Variants in KIF5C observed in about 807,000 individuals in gnomAD.
KIF5C encodes kinesin family member 5C.
Under a neutral mutation model 125.2 loss-of-function variants are expected in KIF5C, and 18 were observed. The ratio of observed to expected loss-of-function variants is 0.14; its 90% CI spans 0.10 to 0.21. The LOEUF is 0.21. Ranked by LOEUF, KIF5C falls within the 10% of genes least tolerant of loss-of-function variation. The probability of loss-of-function intolerance (pLI) is 1.00; values close to 1 mark genes in which losing one functional copy is unlikely to be tolerated. For missense variants in KIF5C, 780 were observed against 1,183.8 expected, an observed-to-expected ratio of 0.66 and a Z score of 5.01; for synonymous variants, 405 against 434.0, an observed-to-expected ratio of 0.93 and a Z score of 0.83.
chr2:148,898,020 G>C (rs1182229191), intron 1 of KIF5C, among the ~76,000 whole-genome samples: 3 of 151,482 alleles, frequency 2.0e-5, no homozygotes, highest in Non-Finnish European at 4.4e-5. Context: ...GGGTTTGAGG[G>C]AGTGGAGAGG....
chr2:148,974,827 A>C (rs1681018985), intron 12 of KIF5C, among the ~76,000 whole-genome samples: 1 of 152,216 alleles, frequency 6.6e-6, no homozygotes, highest in Non-Finnish European at 1.5e-5. Flanking sequence ...TGAGAGGGTG[A>C]GAAGCTGTTT....
Position 148,973,613 on chromosome 2 carries a change from G to T in KIF5C, c.1293+102G>T, listed in dbSNP as rs978058064. 11 of 1,429,334 alleles carry T rather than the reference G, an allele frequency of 7.7e-6. No homozygotes were observed. The African/African-American group carries it at 1.3e-4, about 17-fold the overall frequency. 88.5% of individuals were successfully genotyped at this position (1,429,334 alleles called of 1,614,324 possible). On this transcript the variant is annotated intron_variant, in intron 12 of 25. Coordinates refer to ENST00000435030, the MANE Select transcript of KIF5C (RefSeq NM_004522.3). ...GATGTAGGGCTACAGCCCGATCTTT[G>T]TTTCTGGTTTCCTAATACCTACCCT...
intron 1 of KIF5C, among the ~76,000 whole-genome samples, chr2:148,919,688 C>A (rs1198874581): frequency 2.0e-5 from 3 of 152,132 alleles, no homozygotes; most frequent in Admixed American, 6.5e-5. Context: ...TACAGCTATG[C>A]CCCAAGTCAG....
intron 1 of KIF5C, among the ~76,000 whole-genome samples, chr2:148,895,661 A>G (rs1448981082): frequency 6.6e-6 from 1 of 152,194 alleles, no homozygotes; most frequent in Non-Finnish European, 1.5e-5. Flanking sequence ...GTTTGCTTGA[A>G]CTGTCAAAAC....
At chr2:148,891,822 G>A (rs1467596650) in intron 1 of KIF5C, among the ~76,000 whole-genome samples, 4 of 151,870 alleles carry the variant, frequency 2.6e-5, no homozygotes, top group African/African-American at 4.8e-5. Flanking sequence ...CTCAGCCTCC[G>A]AAGTAGCTGG....
At chr2:148,971,661 CTA>C (rs1398482909) in intron 11 of KIF5C, among the ~76,000 whole-genome samples, 4 of 152,144 alleles carry the variant, frequency 2.6e-5, no homozygotes, top group African/African-American at 9.7e-5. Flanking sequence ...ATAGTTTATT[CTA>C]TGTTTTGCTT....
At chr2:148,939,439 G>A (rs980754111) in intron 4 of KIF5C, among the ~76,000 whole-genome samples, 1 of 152,122 alleles carries the variant, frequency 6.6e-6, no homozygotes, top group Non-Finnish European at 1.5e-5. Flanking sequence ...TGCTTCTTTA[G>A]GGCTGTTTGC....
chr2:149,010,368 T>G lies in KIF5C; in HGVS notation c.2767+17T>G. On this transcript the variant is annotated intron_variant, in intron 24 of 25. Coordinates refer to ENST00000435030, the MANE Select transcript of KIF5C (RefSeq NM_004522.3). ...CCCAGATCGGTACGTGCGTGCACAG[T>G]GGCGCCCGGGGTTTGAGAAGCTACT... 6.5e-7 allele frequency: 1 copy of G among 1,532,112 alleles called. No homozygotes were observed. The highest frequency in any genetic ancestry group is 1.4e-5 in the African/African-American group (1 of 72,240). 94.9% of individuals were successfully genotyped at this position (1,532,112 alleles called of 1,614,324 possible). A position where few individuals can be genotyped will look rare whatever the true frequency, so the allele number is the denominator to read the frequency against.
intron 25 of KIF5C, among the ~76,000 whole-genome samples, chr2:149,022,780 C>T (rs1187845696): frequency 1.3e-5 from 2 of 152,160 alleles, no homozygotes; most frequent in Non-Finnish European, 2.9e-5. Context: ...AAAAATTAGC[C>T]GGGTGTGGTG....
intron 21 of KIF5C, among the ~76,000 whole-genome samples, chr2:149,001,308 G>C (rs1253703766): frequency 6.6e-6 from 1 of 152,202 alleles, no homozygotes; most frequent in East Asian, 1.9e-4. Context: ...GGGACTCGAA[G>C]AAGGAGAAGA....
At chr2:148,971,508 T>C (rs1035380923) in intron 11 of KIF5C, among the ~76,000 whole-genome samples, 1 of 152,186 alleles carries the variant, frequency 6.6e-6, no homozygotes, top group Non-Finnish European at 1.5e-5. Flanking sequence ...GAATGAAATA[T>C]TGATTTGGTT....
At chr2:148,887,681 CTT>C (rs35338664) in intron 1 of KIF5C, among the ~76,000 whole-genome samples, 3 of 142,960 alleles carry the variant, frequency 2.1e-5, no homozygotes, top group Non-Finnish European at 3.1e-5. Context: ...GTAAAATTTG[CTT>C]TTTTTTTTTT....
chr2:148,875,329 C>G lies in KIF5C; in HGVS notation c.-289C>G, dbSNP rs1257598138. 1 of 307,270 alleles carries G rather than the reference C, an allele frequency of 3.3e-6. No homozygotes were observed. The highest frequency in any genetic ancestry group is 2.2e-5 in the African/African-American group (1 of 44,546). 19.0% of individuals were successfully genotyped at this position (307,270 alleles called of 1,614,324 possible). ...TGCGCATCGCCTCCTCCGCCCGCCG[C>G]GTGGTCGCGGGCAGGTGGGCCGGGG... On this transcript the variant is annotated 5_prime_UTR_variant, in exon 1 of 26. Transcript: ENST00000435030.
chr2:148,967,743 C>A (rs1293317812), intron 11 of KIF5C, among the ~76,000 whole-genome samples: 1 of 152,122 alleles, frequency 6.6e-6, no homozygotes, highest in Non-Finnish European at 1.5e-5. Flanking sequence ...ATTTGTTCAG[C>A]CTGCTTGCTT....
chr2:149,025,461 C>G lies in KIF5C; in HGVS notation c.*2391C>G, dbSNP rs1254674213. Reference sequence around the variant, plus strand: ...TCAGGACCATGTTCTCTGTAGGCCACTTTCTAAAAAAGCCACATATGTGCA... The same window carrying G: ...TCAGGACCATGTTCTCTGTAGGCCAGTTTCTAAAAAAGCCACATATGTGCA... On this transcript the variant is annotated 3_prime_UTR_variant, in exon 26 of 26. Transcript: ENST00000435030. 1 of 152,604 alleles carries G rather than the reference C, an allele frequency of 6.6e-6. No homozygotes were observed. The highest frequency in any genetic ancestry group is 1.5e-5 in the Non-Finnish European group (1 of 68,034). The allele number at this position is 152,604 out of a possible 1,614,324, so 9.5% of individuals were successfully genotyped here. A position where few individuals can be genotyped will look rare whatever the true frequency, so the allele number is the denominator to read the frequency against.
intron 21 of KIF5C, among the ~76,000 whole-genome samples, chr2:149,004,042 C>T (rs1169971324): frequency 2.6e-5 from 4 of 152,158 alleles, no homozygotes; most frequent in African/African-American, 4.8e-5. Flanking sequence ...AGTGCTGCAC[C>T]CCTGCCCCTG....
At chr2:149,022,507 C>T (rs753258095) in intron 25 of KIF5C, among the ~76,000 whole-genome samples, 3 of 152,062 alleles carry the variant, frequency 2.0e-5, no homozygotes, top group South Asian at 4.2e-4. Flanking sequence ...GTAATGTAAA[C>T]GATCTCAACA....
chr2:148,984,898 C>T (rs976492573), intron 15 of KIF5C, among the ~76,000 whole-genome samples: 2 of 152,190 alleles, frequency 1.3e-5, no homozygotes, highest in Non-Finnish European at 2.9e-5. Context: ...TCAACCAATT[C>T]ATGTGCCTCA....
chr2:148,882,315 C>T lies in KIF5C; in HGVS notation c.126+6572C>T, dbSNP rs112767719. On this transcript the variant is annotated intron_variant, in intron 1 of 25. Coordinates refer to ENST00000435030, the MANE Select transcript of KIF5C (RefSeq NM_004522.3). ...AACAACACTCTCCACTGTCTAGGGCCGTTGTGTGCTAAGCCCAGTGGCTAG... is the reference window on the plus strand; with the variant it reads ...AACAACACTCTCCACTGTCTAGGGCTGTTGTGTGCTAAGCCCAGTGGCTAG... 3.2e-3 allele frequency among the ~76,000 whole-genome samples: 492 copies of T among 152,266 alleles called. 3 individuals are homozygous for T. The highest frequency in any genetic ancestry group is 0.011 in the African/African-American group (454 of 41,556).
Sources: gnomAD v4.1 joint callset for allele counts (sites outside exome capture counted in the v4.1 genomes callset) on GRCh38, gnomAD v4.1.1 for gene constraint, MANE v1.5 for transcripts, NCBI Gene and HGNC (gene_info 2026-07-23, HGNC 2026-07-21) for gene names.